Variants in KLRG1 observed in about 807,000 individuals in gnomAD.
The protein encoded by KLRG1 is killer cell lectin like receptor G1.
KLRG1 carries 16 observed loss-of-function variants against 21.8 expected under a neutral mutation model. That is an observed-to-expected ratio of 0.73 (90% CI 0.50 to 1.11). The LOEUF is 1.11. Among genes scored for constraint, KLRG1 ranks in the 50% most tolerant of loss-of-function variants. The pLI, the probability that KLRG1 is intolerant of heterozygous loss-of-function variation, is 0.00. For synonymous variants in KLRG1, 69 were observed against 75.9 expected (o/e 0.91, Z 0.47); for missense variants, 173 against 218.3 (o/e 0.79, Z 1.31).
At chr12:9,039,888 C>A in the KLRG1 span, among the ~76,000 whole-genome samples, 1 of 152,122 alleles carries the variant, frequency 6.6e-6, no homozygotes, top group Non-Finnish European at 1.5e-5. Flanking sequence ...ATTTGATTAG[C>A]AAAAATGCCT....
chr12:9,055,012 G>A, the KLRG1 span, among the ~76,000 whole-genome samples: 1 of 152,064 alleles, frequency 6.6e-6, no homozygotes, highest in Non-Finnish European at 1.5e-5. Flanking sequence ...TAAGGGATAC[G>A]CCACCTGTAC....
intron 1 of KLRG1, among the ~76,000 whole-genome samples, chr12:8,954,913 C>T (rs1946263265): frequency 6.6e-6 from 1 of 151,924 alleles, no homozygotes; most frequent in Non-Finnish European, 1.5e-5. Flanking sequence ...AAATGTACAA[C>T]TCTTTTTTTT....
the KLRG1 span, chr12:9,077,311 A>G: frequency 6.3e-7 from 1 of 1,576,570 alleles, no homozygotes; most frequent in Admixed American, 1.7e-5. Context: ...TGCATCCAGA[A>G]CTCTCCTTCA....
the KLRG1 span, among the ~76,000 whole-genome samples, chr12:9,055,278 G>A: frequency 1.3e-5 from 2 of 152,110 alleles, no homozygotes; most frequent in Non-Finnish European, 1.5e-5. Context: ...ATTTTACCTG[G>A]TGCTAAAATA....
At chr12:9,203,435 G>T in the KLRG1 span, among the ~76,000 whole-genome samples, 1 of 148,794 alleles carries the variant, frequency 6.7e-6, no homozygotes, top group Non-Finnish European at 1.5e-5. Context: ...TTCGCCTCCC[G>T]GGTTCACGCC....
At chr12:9,201,465 AAACAT>A in the KLRG1 span, 5 of 757,790 alleles carry the variant, frequency 6.6e-6, no homozygotes, top group South Asian at 2.0e-5. Context: ...ATTCAACAAG[AAACAT>A]AACAGAACTG....
chr12:9,127,706 GGCGATGCCA>G, the KLRG1 span: 1 of 160,658 alleles, frequency 6.2e-6, no homozygotes, highest in African/African-American at 2.4e-5. Flanking sequence ...CTATGGCAGC[GGCGATGCCA>G]GCGTCCTCTG....
At chr12:9,054,221 A>G in the KLRG1 span, among the ~76,000 whole-genome samples, 1 of 152,172 alleles carries the variant, frequency 6.6e-6, no homozygotes, top group South Asian at 2.1e-4. Flanking sequence ...TTTATTTATC[A>G]TGTTTATTTC....
At chr12:9,059,394 C>T in the KLRG1 span, among the ~76,000 whole-genome samples, 7 of 152,230 alleles carry the variant, frequency 4.6e-5, no homozygotes, top group Admixed American at 6.5e-5. Flanking sequence ...AATTCAATTT[C>T]CTTAGATTAT....
chr12:9,018,702 GAAA>G, the KLRG1 span, among the ~76,000 whole-genome samples: 4 of 146,602 alleles, frequency 2.7e-5, no homozygotes, highest in African/African-American at 1.0e-4. Flanking sequence ...AAGAAAGAAA[GAAA>G]GAAGGAAGGA....
the KLRG1 span, among the ~76,000 whole-genome samples, chr12:9,187,249 A>T: frequency 6.6e-6 from 1 of 152,120 alleles, no homozygotes; most frequent in Non-Finnish European, 1.5e-5. Context: ...AATATTGAGA[A>T]ACTTCAACAC....
At chr12:9,196,616 CA>C in the KLRG1 span, 12 of 1,613,688 alleles carry the variant, frequency 7.4e-6, no homozygotes, top group African/African-American at 2.7e-5. Flanking sequence ...AGCTTCATTT[CA>C]AAGCCCGTAT....
chr12:9,200,351 C>T, the KLRG1 span: 41 of 1,554,104 alleles, frequency 2.6e-5, no homozygotes, highest in Non-Finnish European at 3.5e-5. Context: ...TAGATAAAAA[C>T]AATGTAACTC....
At chr12:9,208,210 G>A in the KLRG1 span, 821 of 1,432,170 alleles carry the variant, frequency 5.7e-4, 10 homozygotes, top group South Asian at 8.8e-3. Context: ...AAGACACAAG[G>A]GAGAGACTGA....
At chr12:9,006,590 CA>C (rs1947481357) in intron 3 of KLRG1, among the ~76,000 whole-genome samples, 1 of 152,120 alleles carries the variant, frequency 6.6e-6, no homozygotes, top group Non-Finnish European at 1.5e-5. Context: ...GAACATTAAT[CA>C]GGGGCACAGA....
At chr12:9,134,730 G>A in the KLRG1 span, among the ~76,000 whole-genome samples, 4 of 152,046 alleles carry the variant, frequency 2.6e-5, no homozygotes, top group Admixed American at 6.6e-5. Context: ...TAGTTTTGTC[G>A]TATACAGAAT....
At chr12:9,106,377 G>A in the KLRG1 span, 1 of 1,526,428 alleles carries the variant, frequency 6.6e-7, no homozygotes, top group Non-Finnish European at 9.0e-7. Flanking sequence ...TGTTATTTTT[G>A]GGAAGAATGA....
intron 1 of KLRG1, among the ~76,000 whole-genome samples, chr12:8,973,114 G>A (rs766265698): frequency 7.6e-5 from 11 of 145,284 alleles, no homozygotes; most frequent in Admixed American, 3.5e-4. Context: ...AGCTGAGATC[G>A]TGCCATTGCA....
chr12:9,016,599 C>G, the KLRG1 span, among the ~76,000 whole-genome samples: 1 of 152,116 alleles, frequency 6.6e-6, no homozygotes, highest in African/African-American at 2.4e-5. Flanking sequence ...TAATACCAAT[C>G]CTACTCAAAT....
Sources: allele counts gnomAD v4.1 joint callset (sites outside exome capture counted in the v4.1 genomes callset), GRCh38; gene constraint gnomAD v4.1.1; transcripts MANE v1.5; gene names NCBI Gene and HGNC (gene_info 2026-07-23, HGNC 2026-07-21).